Variants in DHRS7 observed in about 807,000 individuals in gnomAD.
The protein encoded by DHRS7 is dehydrogenase/reductase SDR family member 7.
Under a neutral mutation model 38.9 loss-of-function variants are expected in DHRS7, and 34 were observed. The ratio of observed to expected loss-of-function variants is 0.87; its 90% CI spans 0.66 to 1.16. The LOEUF is 1.16. Among genes scored for constraint, DHRS7 ranks in the 50% most tolerant of loss-of-function variants. The pLI, the probability that DHRS7 is intolerant of heterozygous loss-of-function variation, is 0.00. For synonymous variants in DHRS7, 158 were observed against 153.1 expected (o/e 1.03, Z -0.24); for missense variants, 421 against 407.0 (o/e 1.03, Z -0.30).
In DHRS7 at chr14:60,153,119, G is replaced by A. The variant is rs145805689; in HGVS notation, c.453C>T (p.Ser151=). Residue 151 remains serine (S), a synonymous_variant, in exon 4 of 7, where the codon AGC becomes AGT. Transcript: ENST00000557185. This position sits in a 1 kb window ranked among gnomAD's most constrained non-coding sequence, Gnocchi z 4.4. ...CTATTAGCTTTCTGTAGACATCCAA[G>A]CTGGTATCCATGCACAGAGAACGCT... ...MSQRSLCMDT[S]LDVYRKLIEL... 3.0e-4 allele frequency: 482 copies of A among 1,614,112 alleles called. 6 individuals are homozygous for A. Among genetic ancestry groups the A allele is most frequent in the Middle Eastern group, 6.6e-4 (4 of 6,060 alleles).
intron 1 of DHRS7, among the ~76,000 whole-genome samples, chr14:60,163,766 T>A (rs1375288097): frequency 2.6e-5 from 4 of 152,226 alleles, no homozygotes; most frequent in Non-Finnish European, 5.9e-5. Context: ...GGTTGAATAT[T>A]TTTTGTAGGA....
At chr14:60,165,826 G>A (rs1165077358), upstream of DHRS7, among the ~76,000 whole-genome samples, 2 of 152,144 alleles carry the variant, frequency 1.3e-5, no homozygotes, top group Admixed American at 6.5e-5. The surrounding 1 kb of genome is among the most constrained non-coding windows in gnomAD (Gnocchi z 4.6). Context: ...AGAAAGTGCT[G>A]AAGAAAGACT....
At chr14:60,167,463 C>T (rs1229261244), upstream of DHRS7, among the ~76,000 whole-genome samples, 2 of 151,948 alleles carry the variant, frequency 1.3e-5, no homozygotes, top group African/African-American at 4.8e-5. Flanking sequence ...CCTGCCTTCC[C>T]TCCTTTTAGT....
At chr14:60,151,035 C>G (rs1896534143) in intron 4 of DHRS7, among the ~76,000 whole-genome samples, 1 of 152,156 alleles carries the variant, frequency 6.6e-6, no homozygotes, top group South Asian at 2.1e-4. Flanking sequence ...CCAAAGTAGT[C>G]TAAAGTGCAA....
rs1896460019 is a variant in DHRS7 at position 60,148,422 on chromosome 14, T to A, written c.972+931A>T. Among the ~76,000 whole-genome samples the A allele has an allele frequency of 6.6e-6, 1 of 152,232 alleles. No homozygotes were observed. Among genetic ancestry groups the A allele is most frequent in the Non-Finnish European group, 1.5e-5 (1 of 68,042 alleles). ...AATTTTTGGTTTACTTCATTACATT[T>A]CCTGTACTGTCTATAAATTAAATTC... On this transcript the variant is annotated intron_variant, in intron 6 of 6. Transcript: ENST00000557185. This position sits in a 1 kb window ranked among gnomAD's most constrained non-coding sequence, Gnocchi z 4.8.
intron 1 of DHRS7, among the ~76,000 whole-genome samples, chr14:60,156,811 A>C (rs1321031962): frequency 6.6e-6 from 1 of 152,218 alleles, no homozygotes; most frequent in Non-Finnish European, 1.5e-5. Flanking sequence ...ATAGTAATTC[A>C]CCCAAGAACA....
chr14:60,158,757 C>G (rs911482398), intron 1 of DHRS7, among the ~76,000 whole-genome samples: 1 of 152,188 alleles, frequency 6.6e-6, no homozygotes, highest in Non-Finnish European at 1.5e-5. Flanking sequence ...TTTGAGAATT[C>G]TCTTCTCAAG....
At chr14:60,147,286 A>G (rs1038779193) in intron 6 of DHRS7, 3 of 152,206 alleles carry the variant, frequency 2.0e-5, no homozygotes, top group Non-Finnish European at 2.9e-5. Context: ...AACTTATGTT[A>G]TTATAATTTA....
In DHRS7 at chr14:60,165,303, A is replaced by G; in HGVS notation, c.7T>C (p.Trp3Arg). 6.3e-7 allele frequency: 1 copy of G among 1,587,912 alleles called. No individual in the cohort carries two copies. Among genetic ancestry groups the G allele is most frequent in the Non-Finnish European group, 8.5e-7 (1 of 1,170,224 alleles). Residue 3 changes from tryptophan to arginine, a missense_variant, in exon 1 of 7, where the codon TGG becomes CGG. By Grantham distance (101) the Trp-to-Arg change is moderately radical. Transcript: ENST00000557185. This position sits in a 1 kb window ranked among gnomAD's most constrained non-coding sequence, Gnocchi z 4.6. ...ACCAGCAGCCACAGCAGCAGCTCCC[A>G]GTTCATTGCGGCCGCGCACGCCCAG... is the stretch of plus-strand genomic sequence containing the variant. MNWELLLWLLVLC... is the reference protein window; with the variant it reads MNRELLLWLLVLC...
chr14:60,144,946 G>C lies in DHRS7; in HGVS notation c.*20C>G. 6.3e-7 allele frequency: 1 copy of C among 1,592,282 alleles called. No individual in the cohort carries two copies. The highest frequency in any genetic ancestry group is 8.6e-7 in the Non-Finnish European group (1 of 1,165,240). On this transcript the variant is annotated 3_prime_UTR_variant, in exon 7 of 7. Coordinates refer to ENST00000557185, the MANE Select transcript of DHRS7 (RefSeq NM_016029.4). ...TTTCCATTTCTCCCTCCAGTGGCTTGAAAAGTACAGGTGCTCTTTTCAGTC... is the reference window on the plus strand; with the variant it reads ...TTTCCATTTCTCCCTCCAGTGGCTTCAAAAGTACAGGTGCTCTTTTCAGTC...
In DHRS7 at chr14:60,153,904, A is replaced by C; in HGVS notation, c.393+55T>G. 3.5e-3 allele frequency: 4,022 copies of C among 1,144,152 alleles called. No homozygotes were observed. The highest frequency in any genetic ancestry group is 4.8e-3 in the Non-Finnish European group (3,639 of 761,592). 70.9% of individuals were successfully genotyped at this position (1,144,152 alleles called of 1,614,324 possible). ...TTGTATGACAGCACCACGGATGGGAATCTCTTCTGCAGTTACTTCAAAGCA... is the reference window on the plus strand; with the variant it reads ...TTGTATGACAGCACCACGGATGGGACTCTCTTCTGCAGTTACTTCAAAGCA... On this transcript the variant is annotated intron_variant, in intron 3 of 6. Transcript: ENST00000557185. This position sits in a 1 kb window ranked among gnomAD's most constrained non-coding sequence, Gnocchi z 4.4.
chr14:60,165,027 G>GC lies in DHRS7; in HGVS notation c.133+149dup. ...CTCGCCTCTTCCTCCCCAACCCGCA[G>GC]CCCCTGCGTAAGGGGCAGCCGGGCC... On this transcript the variant is annotated intron_variant, in intron 1 of 6. Transcript: ENST00000557185. The surrounding 1 kb of genome is among the most constrained non-coding windows in gnomAD (Gnocchi z 4.6). The GC allele has an allele frequency of 1.0e-6, 1 of 978,446 alleles. No homozygotes were observed. The highest frequency in any genetic ancestry group is 1.6e-5 in the South Asian group (1 of 63,896). The allele number at this position is 978,446 out of a possible 1,614,324, so 60.6% of individuals were successfully genotyped here. A position where few individuals can be genotyped will look rare whatever the true frequency, so the allele number is the denominator to read the frequency against.
In DHRS7 at chr14:60,156,165, T is replaced by C. The variant is rs779908013; in HGVS notation, c.134-13A>G. ...GTCAGCTCCCATTCTATGGAAGGAA[T>C]GTAAATGGAAGGAAGAAAATAAGCA... On this transcript the variant is annotated splice_polypyrimidine_tract_variant and intron_variant, in intron 1 of 6. Coordinates refer to ENST00000557185, the MANE Select transcript of DHRS7 (RefSeq NM_016029.4). 63 of 1,539,244 alleles carry C rather than the reference T, an allele frequency of 4.1e-5. No homozygotes were observed. The highest frequency in any genetic ancestry group is 5.1e-5 in the Non-Finnish European group (59 of 1,146,658).
rs1410261292 is a variant in DHRS7, at chr14:60,150,294, G to A, written c.634-107C>T. The A allele has an allele frequency of 1.2e-5, 13 of 1,081,568 alleles. No individual in the cohort carries two copies. In the East Asian group the frequency reaches 2.5e-4, roughly 21 times the overall value. 67.0% of individuals were successfully genotyped at this position (1,081,568 alleles called of 1,614,324 possible). A position where few individuals can be genotyped will look rare whatever the true frequency, so the allele number is the denominator to read the frequency against. On this transcript the variant is annotated intron_variant, in intron 4 of 6. Coordinates refer to ENST00000557185, the MANE Select transcript of DHRS7 (RefSeq NM_016029.4). ...AATGTGTGAGTAAAGGACAGGTAGT[G>A]TAATCATGCAAGCTTATTAGGCACT...
rs1896420674 is a variant in DHRS7 at position 60,146,924 on chromosome 14, A to C, written c.973-1911T>G. The C allele has an allele frequency of 1.3e-5, 2 of 152,228 alleles. No individual in the cohort carries two copies. The allele number at this position is 152,228 out of a possible 1,614,324, so 9.4% of individuals were successfully genotyped here. ...GAGCCAGAAGATGGAGGAAATGGGG[A>C]GATCTTGGTCAAAAGGTACACATTT... is the stretch of plus-strand genomic sequence containing the variant. On this transcript the variant is annotated intron_variant, in intron 6 of 6. Coordinates refer to ENST00000557185, the MANE Select transcript of DHRS7 (RefSeq NM_016029.4). This position sits in a 1 kb window ranked among gnomAD's most constrained non-coding sequence, Gnocchi z 4.9.
upstream of DHRS7, among the ~76,000 whole-genome samples, chr14:60,167,247 C>G (rs943896416): frequency 6.6e-6 from 1 of 152,184 alleles, no homozygotes; most frequent in Non-Finnish European, 1.5e-5. Context: ...ATATATACAC[C>G]TACTGTGTAC....
At chr14:60,151,415 ATTGTATATGATCCAAAAATG>A (rs1305562572) in intron 4 of DHRS7, among the ~76,000 whole-genome samples, 1 of 152,158 alleles carries the variant, frequency 6.6e-6, no homozygotes, top group Non-Finnish European at 1.5e-5. Flanking sequence ...CCCACAGTAC[ATTGTATATGATCCAAAAATG>A]TTAAACAGTT....
rs970547027 is a variant in DHRS7, at chr14:60,153,813, C to G, written c.393+146G>C. 5 of 604,414 alleles carry G rather than the reference C, an allele frequency of 8.3e-6. No individual in the cohort carries two copies. Among genetic ancestry groups the G allele is most frequent in the Non-Finnish European group, 1.5e-5 (5 of 338,992 alleles). 37.4% of individuals were successfully genotyped at this position (604,414 alleles called of 1,614,324 possible). The stretch of plus-strand genomic sequence containing the variant: ...TACTAATTCCATAATGACAAAGGCT[C>G]AGAGATTAAGGGGCCCAACTCATGG... On this transcript the variant is annotated intron_variant, in intron 3 of 6. Transcript: ENST00000557185. The surrounding 1 kb of genome is among the most constrained non-coding windows in gnomAD (Gnocchi z 4.4).
In DHRS7 at chr14:60,154,058, G is replaced by A; in HGVS notation, c.294C>T (p.Gly98=). 6.2e-7 allele frequency: 1 copy of A among 1,613,256 alleles called. No homozygotes were observed. The highest frequency in any genetic ancestry group is 8.5e-7 in the Non-Finnish European group (1 of 1,179,404). Residue 98 remains glycine, a synonymous_variant, in exon 3 of 7, where the codon GGC becomes GGT. Transcript: ENST00000557185. ...CAAGTATATCTTTTTCTTTTAAATT[G>A]CCATTCTCTAAATAAAGACAAAAAT... ...ERVKRRCLEN[G]NLKEKDILVL...
Sources: gnomAD v4.1 joint callset for allele counts (sites outside exome capture counted in the v4.1 genomes callset) on GRCh38, gnomAD v4.1.1 for gene constraint, Gnocchi (gnomAD v3.1) non-coding constraint, MANE v1.5 for transcripts, NCBI Gene and HGNC (gene_info 2026-07-23, HGNC 2026-07-21) for gene names.